The following MTRF1 variants were observed in gnomAD, a reference collection of about 807,000 sequenced individuals.
MTRF1 encodes the protein peptide chain release factor 1, mitochondrial.
Under a neutral mutation model 62.9 loss-of-function variants are expected in MTRF1, and 51 were observed. The ratio of observed to expected loss-of-function variants is 0.81; its 90% CI spans 0.65 to 1.02. The LOEUF (loss-of-function observed/expected upper bound fraction) is 1.02. Among genes scored for constraint, MTRF1 ranks in the 50% least tolerant of loss-of-function variants. The pLI is 0.00. For missense variants in MTRF1, 446 were observed against 530.0 expected (o/e 0.84, Z 1.56); for synonymous variants, 158 against 181.9 (o/e 0.87, Z 1.06).
chr13:41,223,494 A>G, intron 8 of MTRF1, 140 bp from the exon 9 acceptor site: 1 of 656,724 alleles, frequency 1.5e-6, no homozygotes, highest in Non-Finnish European at 2.6e-6. Context: ...AAGAAAAAGA[A>G]TGGGCAGAAC....
intron 1 of MTRF1, chr13:41,263,209 T>C: frequency 8.3e-7 from 1 of 1,209,192 alleles, no homozygotes; most frequent in Non-Finnish European, 1.1e-6. Context: ...ATTTTCAAGG[T>C]CATGAATCTC....
chr13:41,236,144 T>G (rs921570399), intron 6 of MTRF1: 1 of 152,128 alleles, frequency 6.6e-6, no homozygotes, highest in Admixed American at 6.6e-5. Context: ...ACAAGAGTCT[T>G]GCTTTATTGC....
chr13:41,263,390 G>C, intron 1 of MTRF1, 95 bp downstream of exon 1: 3 of 872,890 alleles, frequency 3.4e-6, no homozygotes, highest in Non-Finnish European at 4.9e-6. Context: ...GCAGCAGCAC[G>C]GGCAAACCAT....
rs375539800 is a variant in MTRF1, at chr13:41,224,884, T to C, written c.1126-1530A>G. On this transcript the variant is annotated intron_variant, in intron 8 of 9. Coordinates refer to ENST00000379480, the MANE Select transcript of MTRF1 (RefSeq NM_004294.4). ...CTACTGAAGAAGACACATGAACAAT[T>C]TGCATAAAGCCAATCTTGAATACCT... Among the ~76,000 whole-genome samples, 56 of 152,260 alleles carry C rather than the reference T, an allele frequency of 3.7e-4. 2 individuals carry two copies. In the South Asian group the frequency reaches 0.011, roughly 31 times the overall value.
At chr13:41,254,178 C>A (rs985589829) in intron 3 of MTRF1, among the ~76,000 whole-genome samples, 1 of 152,178 alleles carries the variant, frequency 6.6e-6, no homozygotes, top group East Asian at 1.9e-4. Context: ...AATTTCCAAT[C>A]CTTAATTAAC....
the MTRF1 span, among the ~76,000 whole-genome samples, chr13:41,285,310 G>C: frequency 6.6e-5 from 10 of 152,278 alleles, no homozygotes; most frequent in African/African-American, 2.2e-4. Flanking sequence ...CTTGGTTGGC[G>C]TGTCTTCCTG....
At chr13:41,296,134 C>T in the MTRF1 span, among the ~76,000 whole-genome samples, 222 of 152,120 alleles carry the variant, frequency 1.5e-3, 1 homozygote, top group African/African-American at 5.1e-3. Context: ...TTTGTAGATA[C>T]CAGGTCTCCC....
At chr13:41,226,649 G>T in intron 7 of MTRF1, 81 bp from the exon 8 acceptor site, 1 of 1,468,218 alleles carries the variant, frequency 6.8e-7, no homozygotes, top group Non-Finnish European at 9.4e-7. Context: ...AAATGAGACA[G>T]GTTAATCAGG....
At position 41,223,227 on chromosome 13, in the gene MTRF1, GGTAGGCAAAGCATACTCA is replaced by G; in HGVS notation, c.1224+11_1224+28del. On this transcript the variant is annotated intron_variant, in intron 9 of 9. Coordinates refer to ENST00000379480, the MANE Select transcript of MTRF1 (RefSeq NM_004294.4). ...GACTATATTTTCTTCTGAAATCAAA[GGTAGGCAAAGCATACTCA>G]GTAGTATTACCTTAATATCACGAAC... 1 of 1,482,788 alleles carries G rather than the reference GGTAGGCAAAGCATACTCA, an allele frequency of 6.7e-7. No homozygotes were observed. Among genetic ancestry groups the G allele is most frequent in the Non-Finnish European group, 9.3e-7 (1 of 1,069,634 alleles). 91.9% of individuals were successfully genotyped at this position (1,482,788 alleles called of 1,614,324 possible).
the MTRF1 span, among the ~76,000 whole-genome samples, chr13:41,291,142 A>G: frequency 6.6e-6 from 1 of 151,512 alleles, no homozygotes; most frequent in Non-Finnish European, 1.5e-5. Context: ...AGTTGCCTCT[A>G]TTCAACAGGT....
chr13:41,236,706 A>G (rs771295142), intron 6 of MTRF1: 7 of 152,214 alleles, frequency 4.6e-5, no homozygotes, highest in Non-Finnish European at 7.3e-5. Flanking sequence ...TTACCATTTC[A>G]TGTGGCTATA....
At chr13:41,311,541 C>T in the MTRF1 span, 3 of 1,606,862 alleles carry the variant, frequency 1.9e-6, no homozygotes, top group Non-Finnish European at 2.5e-6. Flanking sequence ...GCCGAACGTG[C>T]TGCTGCCGCC....
At chr13:41,265,563 G>A (rs1211361079), upstream of MTRF1, among the ~76,000 whole-genome samples, 2 of 152,110 alleles carry the variant, frequency 1.3e-5, no homozygotes, top group African/African-American at 4.8e-5. Flanking sequence ...TGGAGATAGG[G>A]CCTTTAAGGT....
chr13:41,237,218 C>CAAAAAAAAAAA (rs11412273), intron 6 of MTRF1, among the ~76,000 whole-genome samples: 1 of 63,896 alleles, frequency 1.6e-5, no homozygotes, highest in African/African-American at 7.2e-5. Context: ...GAATCTGTCT[C>CAAAAAAAAAAA]AAAAAAAAAA....
chr13:41,262,722 A>G (rs1243052114), intron 1 of MTRF1, among the ~76,000 whole-genome samples: 1 of 152,214 alleles, frequency 6.6e-6, no homozygotes, highest in Admixed American at 6.5e-5. Context: ...GCTACCCAGG[A>G]GACTGAGGCA....
chr13:41,229,530 C>T (rs951706221), intron 7 of MTRF1: 1 of 151,674 alleles, frequency 6.6e-6, no homozygotes, highest in Non-Finnish European at 1.5e-5. Context: ...CACAGTTCTA[C>T]TCTCTGTAAG....
At position 41,254,606 on chromosome 13, in the gene MTRF1, CTTGT is replaced by C. The variant is rs1418836698; in HGVS notation, c.426_429del (p.Gln143MetfsTer44). ...GCAAGTTCTTGTAACTGCTTTTCAT[CTTGT>C]TTATTTAGGCCTAAAAGCCAGAAAC... On this transcript the variant is annotated frameshift_variant, in exon 3 of 10. Coordinates refer to ENST00000379480, the MANE Select transcript of MTRF1 (RefSeq NM_004294.4). LOFTEE classifies it high-confidence loss of function. 3.7e-6 allele frequency: 6 copies of C among 1,613,012 alleles called. No homozygotes were observed. The highest frequency in any genetic ancestry group is 8.5e-7 in the Non-Finnish European group (1 of 1,179,476).
chr13:41,275,636 G>A, the MTRF1 span, among the ~76,000 whole-genome samples: 1 of 151,992 alleles, frequency 6.6e-6, no homozygotes, highest in African/African-American at 2.4e-5. Context: ...GGGATTACAG[G>A]TATGCATCAC....
chr13:41,293,912 G>A, the MTRF1 span, among the ~76,000 whole-genome samples: 2 of 152,020 alleles, frequency 1.3e-5, no homozygotes, highest in African/African-American at 4.8e-5. Flanking sequence ...TGATTCTCAT[G>A]ATAAATATTG....
Sources: gnomAD v4.1 joint callset for allele counts (sites outside exome capture counted in the v4.1 genomes callset) on GRCh38, gnomAD v4.1.1 for gene constraint, MANE v1.5 for transcripts, NCBI Gene and HGNC (gene_info 2026-07-23, HGNC 2026-07-21) for gene names.